VTCN1: variants seen among roughly 807,000 people sequenced by gnomAD.
VTCN1 encodes the protein V-set domain containing T cell activation inhibitor 1.
Under a neutral mutation model 26.5 loss-of-function variants are expected in VTCN1, and 26 were observed. The observed-to-expected ratio is 0.98, with a 90% CI of 0.72 to 1.36. The LOEUF is 1.36. Ranked by LOEUF, VTCN1 falls within the 40% of genes most tolerant of loss-of-function variation. The pLI, the probability that VTCN1 is intolerant of heterozygous loss-of-function variation, is 0.00. For missense variants in VTCN1, 298 were observed against 337.7 expected, an observed-to-expected ratio of 0.88 and a Z score of 0.92; for synonymous variants, 116 against 130.7, an observed-to-expected ratio of 0.89 and a Z score of 0.77.
chr1:117,164,507 T>C (rs1156337892), intron 2 of VTCN1, among the ~76,000 whole-genome samples: 3 of 150,580 alleles, frequency 2.0e-5, no homozygotes, highest in Non-Finnish European at 4.4e-5. Context: ...GCTATATGAA[T>C]GCGTTAATAA....
rs1277135674 is a variant in VTCN1 at position 117,193,064 on chromosome 1, A to G, written c.32+17760T>C. On this transcript the variant is annotated intron_variant, in intron 1 of 5. Transcript: ENST00000369458. ...ACTATTTACATAGCATTTACATTGTATTAGGTATTTTAAGTAATCTAGAGA... is the reference window on the plus strand; with the variant it reads ...ACTATTTACATAGCATTTACATTGTGTTAGGTATTTTAAGTAATCTAGAGA... 2.6e-5 allele frequency among the ~76,000 whole-genome samples: 4 copies of G among 152,328 alleles called. 1 individual carries two copies. The highest frequency in any genetic ancestry group is 4.1e-4 in the South Asian group (2 of 4,832).
chr1:117,178,579 C>T (rs1222182154), intron 1 of VTCN1, among the ~76,000 whole-genome samples: 67 of 106,926 alleles, frequency 6.3e-4, no homozygotes, highest in African/African-American at 2.2e-3. Flanking sequence ...GTTTTCTTTT[C>T]TTTCTTTCGT....
chr1:117,150,988 T>C (rs1651758848), intron 4 of VTCN1, among the ~76,000 whole-genome samples: 1 of 152,232 alleles, frequency 6.6e-6, no homozygotes, highest in South Asian at 2.1e-4. Flanking sequence ...ATTGTATGTG[T>C]ATACCATATT....
intron 1 of VTCN1, among the ~76,000 whole-genome samples, chr1:117,174,146 C>G (rs1653075222): frequency 6.6e-6 from 1 of 152,156 alleles, no homozygotes; most frequent in African/African-American, 2.4e-5. Context: ...GCTTTCCCCT[C>G]AATGGTTTCC....
At chr1:117,205,209 G>A (rs546135484) in intron 1 of VTCN1, among the ~76,000 whole-genome samples, 2 of 151,066 alleles carry the variant, frequency 1.3e-5, no homozygotes, top group East Asian at 1.9e-4. Context: ...AGGCTGGAGT[G>A]CAGTAACACC....
chr1:117,203,847 C>G, intron 1 of VTCN1: 1 of 935,700 alleles, frequency 1.1e-6, no homozygotes, highest in Non-Finnish European at 1.3e-6. Flanking sequence ...GCCCTGCCCC[C>G]AGAATTTCTG....
chr1:117,150,924 C>T (rs1651754051), intron 4 of VTCN1, among the ~76,000 whole-genome samples: 1 of 152,140 alleles, frequency 6.6e-6, no homozygotes, highest in Admixed American at 6.5e-5. Flanking sequence ...AAAGTTCATT[C>T]ATGTCATAGC....
chr1:117,194,174 G>T lies in VTCN1; in HGVS notation c.32+16650C>A, dbSNP rs183599580. ...AGGAACTCATATAACTCAATAGCAAGAAACCAAATAACCCAAGTTTTAAAA... is the reference window on the plus strand; with the variant it reads ...AGGAACTCATATAACTCAATAGCAATAAACCAAATAACCCAAGTTTTAAAA... On this transcript the variant is annotated intron_variant, in intron 1 of 5. Transcript: ENST00000369458. 7.2e-5 allele frequency among the ~76,000 whole-genome samples: 11 copies of T among 152,168 alleles called. No homozygotes were observed. In the East Asian group the frequency reaches 1.5e-3, roughly 21 times the overall value.
chr1:117,174,951 G>A (rs1647258279), intron 1 of VTCN1, among the ~76,000 whole-genome samples: 1 of 152,172 alleles, frequency 6.6e-6, no homozygotes, highest in African/African-American at 2.4e-5. Context: ...TTAGTGCTCT[G>A]GGCTGTGGGC....
intron 1 of VTCN1, among the ~76,000 whole-genome samples, chr1:117,186,220 G>A (rs12027392): frequency 2.0e-5 from 3 of 152,266 alleles, no homozygotes; most frequent in South Asian, 2.1e-4. Context: ...ATAGCTATTC[G>A]AATTTCTGGA....
chr1:117,196,532 T>G (rs2101591056), intron 1 of VTCN1, among the ~76,000 whole-genome samples: 1 of 152,024 alleles, frequency 6.6e-6, no homozygotes, highest in Admixed American at 6.5e-5. Flanking sequence ...TTTTCCACAC[T>G]AATCCAATAT....
In VTCN1 at chr1:117,181,736, G is replaced by T. The variant is rs80199472; in HGVS notation, c.33-11565C>A. 8.1e-3 allele frequency among the ~76,000 whole-genome samples: 1,241 copies of T among 152,290 alleles called. 15 individuals carry two copies. The highest frequency in any genetic ancestry group is 0.029 in the African/African-American group (1,195 of 41,558). Reference sequence around the variant, plus strand: ...CTAAGGTTTGAGACAGGAGCTGGGAGGGGGAACTAGGCCCCAAAAGAGCTG... The same window carrying T: ...CTAAGGTTTGAGACAGGAGCTGGGATGGGGAACTAGGCCCCAAAAGAGCTG... On this transcript the variant is annotated intron_variant, in intron 1 of 5. Coordinates refer to ENST00000369458, the MANE Select transcript of VTCN1 (RefSeq NM_024626.4).
chr1:117,177,270 C>G (rs562387303), intron 1 of VTCN1, among the ~76,000 whole-genome samples: 2 of 152,266 alleles, frequency 1.3e-5, no homozygotes, highest in African/African-American at 4.8e-5. Context: ...TATTGATTAG[C>G]ATAGGTTTCA....
At chr1:117,166,321 C>G (rs1053967501) in intron 2 of VTCN1, among the ~76,000 whole-genome samples, 1 of 152,202 alleles carries the variant, frequency 6.6e-6, no homozygotes, top group East Asian at 1.9e-4. Flanking sequence ...AAACAACTCT[C>G]TTAAGAGTTC....
intron 2 of VTCN1, among the ~76,000 whole-genome samples, chr1:117,166,509 C>T (rs1652620220): frequency 6.6e-6 from 1 of 151,944 alleles, no homozygotes; most frequent in Admixed American, 6.6e-5. Context: ...AATCCCAGCA[C>T]TTTGGAAGGC....
Position 117,153,227 on chromosome 1 carries a change from A to G in VTCN1, c.588T>C (p.Asn196=). Reference sequence around the variant, plus strand: ...TCTCAGAGTTCAGCTCAAAGCTGGTATTGGAGACTTCCGAGAAGTTGGCTC... The same window carrying G: ...TCTCAGAGTTCAGCTCAAAGCTGGTGTTGGAGACTTCCGAGAAGTTGGCTC... ...DQGANFSEVS[N]TSFELNSENV... The change falls in exon 4 of 6, where the codon AAT becomes AAC. Residue 196 remains asparagine (N), a synonymous_variant. Transcript: ENST00000369458. The G allele has an allele frequency of 6.8e-6, 11 of 1,614,098 alleles. No homozygotes were observed. Among genetic ancestry groups the G allele is most frequent in the South Asian group, 3.3e-5 (3 of 91,084 alleles).
intron 2 of VTCN1, among the ~76,000 whole-genome samples, chr1:117,158,446 T>C (rs1220789777): frequency 6.6e-6 from 1 of 152,134 alleles, no homozygotes; most frequent in Non-Finnish European, 1.5e-5. Context: ...TCTGAAGCCA[T>C]GGCCCAAGAC....
intron 3 of VTCN1, among the ~76,000 whole-genome samples, chr1:117,153,689 C>T (rs1332040830): frequency 3.9e-5 from 6 of 152,090 alleles, no homozygotes; most frequent in African/African-American, 1.4e-4. Flanking sequence ...CATAAAAAAG[C>T]CTATCCCTTA....
chr1:117,172,468 T>G, intron 1 of VTCN1: 1 of 518,816 alleles, frequency 1.9e-6, no homozygotes, highest in Non-Finnish European at 3.9e-6. Flanking sequence ...GATAAAGTCA[T>G]AGCGAGAGGC....
Sources: allele counts gnomAD v4.1 joint callset (sites outside exome capture counted in the v4.1 genomes callset), GRCh38; gene constraint gnomAD v4.1.1; transcripts MANE v1.5; gene names NCBI Gene and HGNC (gene_info 2026-07-23, HGNC 2026-07-21).